The following CCDC68 variants were observed in gnomAD, a reference collection of about 807,000 sequenced individuals.
The protein encoded by CCDC68 is coiled-coil domain-containing protein 68.
CCDC68 carries 45 observed loss-of-function variants against 47.1 expected under a neutral mutation model. The ratio of observed to expected loss-of-function variants is 0.96; its 90% CI spans 0.75 to 1.23. The LOEUF is 1.23. Among genes scored for constraint, CCDC68 ranks in the 50% most tolerant of loss-of-function variants. The pLI is 0.00. For synonymous variants in CCDC68, 131 were observed against 129.5 expected, an observed-to-expected ratio of 1.01 and a Z score of -0.08; for missense variants, 353 against 373.6, an observed-to-expected ratio of 0.94 and a Z score of 0.45.
At chr18:54,914,800 C>T (rs1036510298) in intron 10 of CCDC68, among the ~76,000 whole-genome samples, 4 of 152,034 alleles carry the variant, frequency 2.6e-5, no homozygotes, top group East Asian at 3.9e-4. Context: ...GCTGAATAGT[C>T]GGTAATTATT....
intron 4 of CCDC68, among the ~76,000 whole-genome samples, chr18:54,939,279 T>C (rs116594070): frequency 0.013 from 1,925 of 152,114 alleles, 19 homozygotes; most frequent in African/African-American, 0.034. Flanking sequence ...TTAAAGAATA[T>C]TTGACAAAAA....
intron 1 of CCDC68, among the ~76,000 whole-genome samples, chr18:54,958,235 C>G (rs1244395085): frequency 2.6e-5 from 4 of 152,292 alleles, no homozygotes; most frequent in Middle Eastern, 6.8e-3. Context: ...CTGCCTTGGG[C>G]AGAAATTCCT....
At chr18:54,925,239 A>G (rs753751144) in intron 8 of CCDC68, among the ~76,000 whole-genome samples, 8 of 152,176 alleles carry the variant, frequency 5.3e-5, no homozygotes, top group South Asian at 2.1e-4. Flanking sequence ...ATGTAACCTT[A>G]TGGTATACCT....
chr18:54,950,391 G>C (rs1390516036), intron 1 of CCDC68, among the ~76,000 whole-genome samples: 1 of 152,186 alleles, frequency 6.6e-6, no homozygotes, highest in Non-Finnish European at 1.5e-5. Flanking sequence ...CTGTTCTGCA[G>C]CTACATTACA....
intron 6 of CCDC68, among the ~76,000 whole-genome samples, chr18:54,936,607 G>A (rs957010166): frequency 1.3e-5 from 2 of 152,140 alleles, no homozygotes; most frequent in Non-Finnish European, 2.9e-5. Context: ...GCTCATGGGG[G>A]CTCTGGGCAA....
intron 10 of CCDC68, among the ~76,000 whole-genome samples, chr18:54,909,445 G>A (rs1357394288): frequency 5.4e-5 from 8 of 149,260 alleles, no homozygotes; most frequent in East Asian, 2.0e-4. Flanking sequence ...GCAGTGGCGC[G>A]ATCTCAGTGT....
At chr18:54,944,201 A>G (rs1197997267) in intron 2 of CCDC68, among the ~76,000 whole-genome samples, 1 of 152,142 alleles carries the variant, frequency 6.6e-6, no homozygotes, top group Admixed American at 6.5e-5. Context: ...TTTGAATATC[A>G]TATCCTACCA....
At position 54,907,797 on chromosome 18, in the gene CCDC68, A is replaced by G. The variant is rs752065242; in HGVS notation, c.939T>C (p.Ala313=). 1.9e-6 allele frequency: 3 copies of G among 1,593,736 alleles called. No homozygotes were observed. Among genetic ancestry groups the G allele is most frequent in the Non-Finnish European group, 8.6e-7 (1 of 1,161,432 alleles). Residue 313 remains alanine, a synonymous_variant, in exon 11 of 12, where the codon GCT becomes GCC. Coordinates refer to ENST00000591504, the MANE Select transcript of CCDC68 (RefSeq NM_025214.3). ...SETPRTKVSK[A]VSTSELKTEG... ...GACAGAGACCTTACCTTGTAGAGAC[A>G]GCCTTAGATACCTTTGTCCTAGGAG...
At chr18:54,911,536 C>T (rs758900050) in intron 10 of CCDC68, among the ~76,000 whole-genome samples, 1 of 152,142 alleles carries the variant, frequency 6.6e-6, no homozygotes, top group Non-Finnish European at 1.5e-5. Flanking sequence ...CTAAGTTTCA[C>T]CAAGGAAATG....
rs527379654 is a variant in CCDC68 at position 54,921,784 on chromosome 18, A to G, written c.684-2408T>C. ...AGCAACTATGAAACTAAGAAAAGCTATGAAAGAAATGTAAACGGTCAATGC... is the reference window on the plus strand; with the variant it reads ...AGCAACTATGAAACTAAGAAAAGCTGTGAAAGAAATGTAAACGGTCAATGC... On this transcript the variant is annotated intron_variant, in intron 8 of 11. Transcript: ENST00000591504. Among the ~76,000 whole-genome samples, 311 of 152,370 alleles carry G rather than the reference A, an allele frequency of 2.0e-3. 1 individual carries two copies. Among genetic ancestry groups the G allele is most frequent in the African/African-American group, 7.3e-3 (303 of 41,604 alleles).
At chr18:54,907,049 T>A (rs1023513812) in intron 11 of CCDC68, among the ~76,000 whole-genome samples, 2 of 152,218 alleles carry the variant, frequency 1.3e-5, no homozygotes, top group African/African-American at 4.8e-5. Flanking sequence ...GGGACTAGCT[T>A]GGGAAATTCA....
intron 1 of CCDC68, among the ~76,000 whole-genome samples, chr18:54,946,821 T>C (rs2044535962): frequency 1.4e-5 from 2 of 144,942 alleles, no homozygotes; most frequent in South Asian, 2.2e-4. Context: ...CACCTAGAGA[T>C]AGGAAAATGA....
At chr18:54,915,877 C>G (rs761848187) in intron 10 of CCDC68, among the ~76,000 whole-genome samples, 3 of 151,856 alleles carry the variant, frequency 2.0e-5, no homozygotes, top group Non-Finnish European at 4.4e-5. Flanking sequence ...TGCAGTGAGC[C>G]GAGATCATGC....
At chr18:54,914,343 C>A (rs1184413252) in intron 10 of CCDC68, among the ~76,000 whole-genome samples, 1 of 151,930 alleles carries the variant, frequency 6.6e-6, no homozygotes, top group Non-Finnish European at 1.5e-5. Context: ...TGAGTCTGGG[C>A]ACAATGGCTC....
intron 8 of CCDC68, among the ~76,000 whole-genome samples, chr18:54,924,640 C>A (rs1272850889): frequency 6.6e-6 from 1 of 152,176 alleles, no homozygotes; most frequent in African/African-American, 2.4e-5. Context: ...TCTTTAACTG[C>A]AGAAATGTGA....
chr18:54,930,573 A>G (rs2044223969), intron 7 of CCDC68, among the ~76,000 whole-genome samples: 1 of 148,628 alleles, frequency 6.7e-6, no homozygotes, highest in South Asian at 2.2e-4. Flanking sequence ...TTTCTGAAGG[A>G]TCACAGATAC....
chr18:54,907,229 A>T (rs2145351519), intron 11 of CCDC68, among the ~76,000 whole-genome samples: 1 of 152,378 alleles, frequency 6.6e-6, no homozygotes, highest in Non-Finnish European at 1.5e-5. Flanking sequence ...AAAATGACTT[A>T]GATGGTTTCA....
chr18:54,951,607 T>C (rs1460525391), intron 1 of CCDC68, among the ~76,000 whole-genome samples: 1 of 152,224 alleles, frequency 6.6e-6, no homozygotes, highest in Non-Finnish European at 1.5e-5. Context: ...TTGCCTCTGC[T>C]ACATTCTGAA....
intron 10 of CCDC68, among the ~76,000 whole-genome samples, chr18:54,915,893 C>T (rs914178262): frequency 1.2e-4 from 18 of 152,038 alleles, no homozygotes; most frequent in Non-Finnish European, 1.8e-4. Flanking sequence ...CATGCCACTG[C>T]GCTCCAGCCT....
Sources: allele counts gnomAD v4.1 joint callset (sites outside exome capture counted in the v4.1 genomes callset), GRCh38; gene constraint gnomAD v4.1.1; transcripts MANE v1.5; gene names NCBI Gene and HGNC (gene_info 2026-07-23, HGNC 2026-07-21).